The following TRIM60 variants were observed in gnomAD, a reference collection of about 807,000 sequenced individuals.
TRIM60 encodes tripartite motif-containing protein 60.
For synonymous variants in TRIM60, 189 were observed against 195.2 expected (o/e 0.97, Z 0.27); for missense variants, 524 against 540.8 (o/e 0.97, Z 0.31).
In TRIM60 at chr4:165,037,210, AAAAC is replaced by A. The variant is rs981884699; in HGVS notation, c.-56-1979_-56-1976del. 8.5e-5 allele frequency among the ~76,000 whole-genome samples: 13 copies of A among 152,342 alleles called. 1 individual carries two copies. In the South Asian group the frequency reaches 1.0e-3, roughly 12 times the overall value. Reference sequence around the variant, plus strand: ...GAGCAAAACTGTCTCAAAACGAAACAAAACAAACAAACAAAAAAACGGATAGCGT... The same window carrying A: ...GAGCAAAACTGTCTCAAAACGAAACAAAACAAACAAAAAAACGGATAGCGT... On this transcript the variant is annotated intron_variant, in intron 1 of 2. Coordinates refer to ENST00000512596, the MANE Select transcript of TRIM60 (RefSeq NM_152620.3).
intron 1 of TRIM60, among the ~76,000 whole-genome samples, chr4:165,034,045 G>A (rs1733564215): frequency 6.6e-6 from 1 of 152,152 alleles, no homozygotes; most frequent in South Asian, 2.1e-4. Flanking sequence ...CATTGCCTGA[G>A]TCTGGAAGAT....
At chr4:165,032,915 G>A (rs1022791590) in intron 1 of TRIM60, among the ~76,000 whole-genome samples, 1 of 152,068 alleles carries the variant, frequency 6.6e-6, no homozygotes, top group Non-Finnish European at 1.5e-5. Flanking sequence ...AGCCAGGCGC[G>A]GTGGCTCACA....
At position 165,040,758 on chromosome 4, in the gene TRIM60, CA is replaced by C. The variant is rs1733741164; in HGVS notation, c.687del (p.Leu230Ter). ...GTAGAACTTTCAGATTATGTTTCCA[CA>C]TTAAAACATCTACTGAGGGAGGTAG... The part of the protein sequence containing the change: ...NLVELSDYVS[T>X]LKHLLREVEG... On this transcript the variant is annotated frameshift_variant, in exon 3 of 3. Coordinates refer to ENST00000512596, the MANE Select transcript of TRIM60 (RefSeq NM_152620.3). LOFTEE classifies it low-confidence loss of function (END_TRUNC). 6.2e-7 allele frequency: 1 copy of C among 1,613,946 alleles called. No individual in the cohort carries two copies. The highest frequency in any genetic ancestry group is 1.3e-5 in the African/African-American group (1 of 74,914).
chr4:165,034,602 T>C (rs992929302), intron 1 of TRIM60, among the ~76,000 whole-genome samples: 1 of 152,228 alleles, frequency 6.6e-6, no homozygotes, highest in Non-Finnish European at 1.5e-5. Flanking sequence ...CCATTAAACA[T>C]GGTGTGTTAA....
intron 1 of TRIM60, among the ~76,000 whole-genome samples, chr4:165,038,253 C>T (rs1733667914): frequency 6.6e-6 from 1 of 152,160 alleles, no homozygotes; most frequent in South Asian, 2.1e-4. Context: ...GGAAGCCTAA[C>T]TTTGATGTAT....
At position 165,040,349 on chromosome 4, in the gene TRIM60, G is replaced by T. The variant is rs1328730540; in HGVS notation, c.277G>T (p.Glu93Ter). The T allele has an allele frequency of 1.2e-6, 2 of 1,614,072 alleles. No individual in the cohort carries two copies. The highest frequency in any genetic ancestry group is 1.7e-6 in the Non-Finnish European group (2 of 1,180,044). Residue 93 changes from glutamate (E) to a stop codon, truncating the protein, a stop_gained, in exon 3 of 3, where the codon GAG becomes TAG. Coordinates refer to ENST00000512596, the MANE Select transcript of TRIM60 (RefSeq NM_152620.3). LOFTEE classifies it low-confidence loss of function (END_TRUNC). ...GAGGAGCAAGAGAAAGAGGCAGAAA[G>T]AGAATGCCATGTGTGAAAAACACAA... ...IRRSKRKRQK[E>*]NAMCEKHNQF...
intron 1 of TRIM60, among the ~76,000 whole-genome samples, chr4:165,038,481 C>G (rs1733673147): frequency 6.6e-6 from 1 of 151,530 alleles, no homozygotes; most frequent in South Asian, 2.1e-4. Context: ...TCAAAACCAC[C>G]CTGGCCAACA....
chr4:165,037,613 A>G (rs999722574), intron 1 of TRIM60, among the ~76,000 whole-genome samples: 2 of 151,926 alleles, frequency 1.3e-5, no homozygotes, highest in African/African-American at 2.4e-5. Flanking sequence ...ATGAGCCACC[A>G]CCTCCTGGGC....
At position 165,041,702 on chromosome 4, in the gene TRIM60, A is replaced by G; in HGVS notation, c.*214A>G. 1 of 391,232 alleles carries G rather than the reference A, an allele frequency of 2.6e-6. No individual in the cohort carries two copies. Among genetic ancestry groups the G allele is most frequent in the Middle Eastern group, 7.2e-4 (1 of 1,396 alleles). The allele number at this position is 391,232 out of a possible 1,614,324, so 24.2% of individuals were successfully genotyped here. On this transcript the variant is annotated 3_prime_UTR_variant, in exon 3 of 3. Transcript: ENST00000512596. ...GATTTCTAAGATAAAATATTTTAGAATTATGTTACTTAACATGTCCAATAA... is the reference window on the plus strand; with the variant it reads ...GATTTCTAAGATAAAATATTTTAGAGTTATGTTACTTAACATGTCCAATAA...
At chr4:165,038,924 G>A (rs919533415) in intron 1 of TRIM60, among the ~76,000 whole-genome samples, 15 of 152,024 alleles carry the variant, frequency 9.9e-5, no homozygotes, top group East Asian at 3.9e-4. Flanking sequence ...TTAGCCAGGC[G>A]TGGTGGTAGG....
downstream of TRIM60, chr4:165,041,749 A>AT (rs59349426): frequency 0.048 from 12,853 of 265,474 alleles, 618 homozygotes; most frequent in African/African-American, 0.17. Flanking sequence ...ATTGCCTATA[A>AT]TTTTTTTTTT....
chr4:165,040,973 C>T lies in TRIM60; in HGVS notation c.901C>T (p.Leu301Phe), dbSNP rs763606135. 6.2e-7 allele frequency: 1 copy of T among 1,614,048 alleles called. No individual in the cohort carries two copies. The highest frequency in any genetic ancestry group is 2.2e-5 in the East Asian group (1 of 44,882). Residue 301 changes from leucine (L) to phenylalanine (F), a missense_variant, in exon 3 of 3, where the codon CTC (leucine) becomes TTC (phenylalanine). Physicochemically the swap from Leu to Phe is conservative, Grantham distance 22. Transcript: ENST00000512596. ...ATTTCAAGTAGATGTGATTCTAGAT[C>T]TCAACACAGCACATCCTCAACTTCT... Reference protein sequence around the residue: ...KPFQVDVILDLNTAHPQLLVS... With the variant: ...KPFQVDVILDFNTAHPQLLVS...
intron 1 of TRIM60, among the ~76,000 whole-genome samples, chr4:165,032,770 A>C (rs1733534720): frequency 6.6e-6 from 1 of 152,184 alleles, no homozygotes; most frequent in Non-Finnish European, 1.5e-5. Context: ...GCTACGGATG[A>C]GAAAGTTTAG....
chr4:165,040,329 G>T lies in TRIM60; in HGVS notation c.257G>T (p.Ser86Ile). 1 of 1,614,214 alleles carries T rather than the reference G, an allele frequency of 6.2e-7. No individual in the cohort carries two copies. The highest frequency in any genetic ancestry group is 8.5e-7 in the Non-Finnish European group (1 of 1,180,036). The change falls in exon 3 of 3, where the codon AGC becomes ATC. Residue 86 changes from serine (S) to isoleucine (I), a missense_variant. Coordinates refer to ENST00000512596, the MANE Select transcript of TRIM60 (RefSeq NM_152620.3). Reference sequence around the variant, plus strand: ...GCTAAACAACTCCAGATTAGGAGGAGCAAGAGAAAGAGGCAGAAAGAGAAT... The same window carrying T: ...GCTAAACAACTCCAGATTAGGAGGATCAAGAGAAAGAGGCAGAAAGAGAAT... ...EIAKQLQIRRSKRKRQKENAM... is the reference protein window; with the variant it reads ...EIAKQLQIRRIKRKRQKENAM...
rs898531130 is a variant in TRIM60 at position 165,040,978 on chromosome 4, C to T, written c.906C>T (p.Asn302=). The change falls in exon 3 of 3, where the codon AAC becomes AAT. Residue 302 remains asparagine (N), a synonymous_variant. Transcript: ENST00000512596. The part of the protein sequence containing the change: ...PFQVDVILDL[N]TAHPQLLVSE... ...AAGTAGATGTGATTCTAGATCTCAA[C>T]ACAGCACATCCTCAACTTCTTGTCT... The T allele has an allele frequency of 1.9e-6, 3 of 1,613,994 alleles. No homozygotes were observed. In the African/African-American group the frequency reaches 4.0e-5, roughly 22 times the overall value.
At chr4:165,032,294 G>C (rs140899824) in intron 1 of TRIM60, among the ~76,000 whole-genome samples, 182 bp downstream of exon 1, 29 of 152,194 alleles carry the variant, frequency 1.9e-4, no homozygotes, top group Non-Finnish European at 3.4e-4. Context: ...TGTCACCCAC[G>C]CTGGAGTGCA....
chr4:165,039,996 T>C, intron 2 of TRIM60, 73 bp from the exon 3 acceptor site: 1 of 1,242,092 alleles, frequency 8.1e-7, no homozygotes, highest in South Asian at 1.4e-5. Context: ...TATCCACTTC[T>C]CACTGGGTTT....
chr4:165,040,200 C>G lies in TRIM60; in HGVS notation c.128C>G (p.Ser43Cys). ...TTCTGTCGCTCCTGCCTCAGTGTATCCTGGAAGGATCTAGATGATACCTTT... is the reference window on the plus strand; with the variant it reads ...TTCTGTCGCTCCTGCCTCAGTGTATGCTGGAAGGATCTAGATGATACCTTT... Reference protein sequence around the residue: ...HNFCRSCLSVSWKDLDDTFPC... With the variant: ...HNFCRSCLSVCWKDLDDTFPC... Residue 43 changes from serine to cysteine, a missense_variant, in exon 3 of 3, where the codon TCC (serine) becomes TGC (cysteine). Ser to Cys is a moderately radical substitution (Grantham distance 112, BLOSUM62 -1). Transcript: ENST00000512596. The G allele has an allele frequency of 6.2e-7, 1 of 1,614,152 alleles. No individual in the cohort carries two copies. Among genetic ancestry groups the G allele is most frequent in the Admixed American group, 1.7e-5 (1 of 60,010 alleles).
In TRIM60 at chr4:165,041,204, C is replaced by G. The variant is rs1197785421; in HGVS notation, c.1132C>G (p.Gln378Glu). The change falls in exon 3 of 3, where the codon CAG (glutamine) becomes GAG (glutamate). Residue 378 changes from glutamine to glutamate, a missense_variant. By Grantham distance (29) the Gln-to-Glu change is conservative. Transcript: ENST00000512596. ...QDCLLRNWQD[Q>E]PSVLGGFWAI... The stretch of plus-strand genomic sequence containing the variant: ...CTGTCTTCTTAGGAACTGGCAGGAT[C>G]AGCCATCAGTTCTGGGCGGATTCTG... 2.5e-6 allele frequency: 4 copies of G among 1,614,062 alleles called. No homozygotes were observed. The East Asian group carries it at 8.9e-5, about 36-fold the overall frequency.
Sources: allele counts gnomAD v4.1 joint callset (sites outside exome capture counted in the v4.1 genomes callset), GRCh38; gene constraint gnomAD v4.1.1; transcripts MANE v1.5; gene names NCBI Gene and HGNC (gene_info 2026-07-23, HGNC 2026-07-21).